MAGI2: variants seen among roughly 807,000 people sequenced by gnomAD.
MAGI2 encodes the protein membrane associated guanylate kinase, WW and PDZ domain containing 2, also known as membrane-associated guanylate kinase, WW and PDZ domain-containing protein 2.
A neutral mutation model predicts 133.3 loss-of-function variants in MAGI2; 35 were observed. That is an observed-to-expected ratio of 0.26 (90% CI 0.20 to 0.35). The LOEUF is 0.35. Ranked by LOEUF, MAGI2 falls within the 10% of genes least tolerant of loss-of-function variation. The pLI is 1.00. For synonymous variants in MAGI2, 729 were observed against 710.6 expected, an observed-to-expected ratio of 1.03 and a Z score of -0.41; for missense variants, 1,636 against 1,863.4, an observed-to-expected ratio of 0.88 and a Z score of 2.25.
chr7:79,341,998 A>G (rs1192551579), intron 1 of MAGI2, among the ~76,000 whole-genome samples: 2 of 152,176 alleles, frequency 1.3e-5, no homozygotes, highest in Non-Finnish European at 2.9e-5. Flanking sequence ...CTGTCTAGTT[A>G]GTGAACTAAC....
intron 2 of MAGI2, among the ~76,000 whole-genome samples, chr7:78,819,717 G>A (rs953785796): frequency 2.0e-5 from 3 of 151,796 alleles, no homozygotes; most frequent in Non-Finnish European, 4.4e-5. Context: ...TAGGACATAC[G>A]TCTCTATCAT....
chr7:78,517,326 A>G lies in MAGI2; in HGVS notation c.754+4104T>C, dbSNP rs1357969974. On this transcript the variant is annotated intron_variant, in intron 4 of 21. Coordinates refer to ENST00000354212, the MANE Select transcript of MAGI2 (RefSeq NM_012301.4). ...AATACAATGGAATACAATGTAGACTAAATCCTCTAAGCTGCAGGATTGCGA... is the reference window on the plus strand; with the variant it reads ...AATACAATGGAATACAATGTAGACTGAATCCTCTAAGCTGCAGGATTGCGA... Among the ~76,000 whole-genome samples, 5 of 152,134 alleles carry G rather than the reference A, an allele frequency of 3.3e-5. No individual in the cohort carries two copies. In the East Asian group the frequency reaches 7.7e-4, roughly 23 times the overall value.
intron 7 of MAGI2, chr7:78,352,798 G>A (rs1014796515): frequency 3.3e-5 from 5 of 152,080 alleles, no homozygotes. Flanking sequence ...TCCCTCGGTC[G>A]TAATGCTAGT....
chr7:78,729,647 A>G (rs1489829327), intron 2 of MAGI2, among the ~76,000 whole-genome samples: 2 of 152,214 alleles, frequency 1.3e-5, no homozygotes, highest in Admixed American at 1.3e-4. Context: ...GCTTGTGTCT[A>G]GCAGGGGATT....
At chr7:78,649,242 A>AAAAAAAAAAAAAAAAAAAAAAAAAAAAAG (rs1554512645) in intron 2 of MAGI2, among the ~76,000 whole-genome samples, 1 of 149,550 alleles carries the variant, frequency 6.7e-6, no homozygotes, top group Non-Finnish European at 1.5e-5. Flanking sequence ...AAAAGAAAAA[A>AAAAAAAAAAAAAAAAAAAAAAAAAAAAAG]AAAGAAAAAA....
intron 5 of MAGI2, 41 bp from the exon 6 acceptor site, chr7:78,489,881 A>C: frequency 2.1e-6 from 3 of 1,428,578 alleles, no homozygotes; most frequent in Non-Finnish European, 2.9e-6. Context: ...CACATACTAA[A>C]AGGAATCAAG....
At chr7:78,619,990 A>T (rs1269367657) in intron 3 of MAGI2, among the ~76,000 whole-genome samples, 1 of 151,920 alleles carries the variant, frequency 6.6e-6, no homozygotes, top group East Asian at 1.9e-4. Flanking sequence ...GATATGTAAA[A>T]AACAGCTGGA....
chr7:78,611,673 C>T (rs997876362), intron 3 of MAGI2, among the ~76,000 whole-genome samples: 1 of 152,190 alleles, frequency 6.6e-6, no homozygotes, highest in Non-Finnish European at 1.5e-5. Context: ...GATAAAACTT[C>T]CTACAACACA....
chr7:78,053,322 G>A lies in MAGI2; in HGVS notation c.3706+25625C>T, dbSNP rs554772073. Among the ~76,000 whole-genome samples, 30 of 152,334 alleles carry A rather than the reference G, an allele frequency of 2.0e-4. 1 individual carries two copies. In the South Asian group the frequency reaches 6.2e-3, roughly 32 times the overall value. On this transcript the variant is annotated intron_variant, in intron 21 of 21. Coordinates refer to ENST00000354212, the MANE Select transcript of MAGI2 (RefSeq NM_012301.4). ...TCTTTCAAAGAGCTTTGTCAGATGT[G>A]TAGGTGAGGAGACCCTTAATATAGA...
chr7:78,800,663 G>A (rs1005674553), intron 2 of MAGI2, among the ~76,000 whole-genome samples: 14 of 151,952 alleles, frequency 9.2e-5, no homozygotes, highest in Non-Finnish European at 1.8e-4. Context: ...ATTTACATGT[G>A]AAAGTGATGT....
chr7:78,520,869 T>A (rs780019561), intron 4 of MAGI2, among the ~76,000 whole-genome samples: 1 of 152,176 alleles, frequency 6.6e-6, no homozygotes, highest in Non-Finnish European at 1.5e-5. Context: ...AAAGATACAT[T>A]CTTCATGTTT....
intron 6 of MAGI2, among the ~76,000 whole-genome samples, chr7:78,447,342 G>T (rs1788249937): frequency 6.6e-6 from 1 of 150,530 alleles, no homozygotes. Context: ...CAAATGTCAT[G>T]TTAAAGGGAT....
intron 2 of MAGI2, among the ~76,000 whole-genome samples, chr7:78,701,758 T>C (rs1466653405): frequency 6.6e-6 from 1 of 152,030 alleles, no homozygotes; most frequent in African/African-American, 2.4e-5. Flanking sequence ...TACAAACAGC[T>C]ATACTTGTTT....
intron 16 of MAGI2, among the ~76,000 whole-genome samples, chr7:78,148,307 A>G (rs763924780): frequency 2.5e-4 from 38 of 152,214 alleles, no homozygotes; most frequent in Non-Finnish European, 4.9e-4. Flanking sequence ...TACATGCTGT[A>G]TCATTCCATT....
chr7:78,353,016 G>T (rs1339724001), intron 7 of MAGI2: 2 of 152,146 alleles, frequency 1.3e-5, no homozygotes, highest in Admixed American at 1.3e-4. Flanking sequence ...CACTAGGCAT[G>T]CATTAAAAAA....
At chr7:78,522,163 T>G (rs1455687357) in intron 3 of MAGI2, among the ~76,000 whole-genome samples, 1 of 152,156 alleles carries the variant, frequency 6.6e-6, no homozygotes, top group Non-Finnish European at 1.5e-5. Context: ...GCCAGTCTAG[T>G]GGTTCCCATG....
At chr7:78,770,305 G>C (rs375074932) in intron 2 of MAGI2, among the ~76,000 whole-genome samples, 30 of 152,216 alleles carry the variant, frequency 2.0e-4, no homozygotes, top group African/African-American at 6.5e-4. Flanking sequence ...AATTTTTTAA[G>C]CTTCGGCTCC....
chr7:78,744,881 T>G (rs1029315655), intron 2 of MAGI2, among the ~76,000 whole-genome samples: 44 of 152,310 alleles, frequency 2.9e-4, no homozygotes, highest in African/African-American at 8.9e-4. Context: ...CAAACCACAG[T>G]AATCACAACA....
At chr7:78,306,352 A>G (rs896638791) in intron 9 of MAGI2, among the ~76,000 whole-genome samples, 4 of 152,196 alleles carry the variant, frequency 2.6e-5, no homozygotes, top group Non-Finnish European at 5.9e-5. Context: ...CTTTTCCTAG[A>G]GGGTGGCATC....
Sources: gnomAD v4.1 joint callset for allele counts (sites outside exome capture counted in the v4.1 genomes callset) on GRCh38, gnomAD v4.1.1 for gene constraint, MANE v1.5 for transcripts, NCBI Gene and HGNC (gene_info 2026-07-23, HGNC 2026-07-21) for gene names.